SCHIP1: variants seen among roughly 807,000 people sequenced by gnomAD.
SCHIP1 encodes schwannomin-interacting protein 1.
SCHIP1 carries 8 observed loss-of-function variants against 29.7 expected under a neutral mutation model. That is an observed-to-expected ratio of 0.27 (90% CI 0.16 to 0.49). The LOEUF (loss-of-function observed/expected upper bound fraction) is 0.49. SCHIP1 is among the 20% of genes least tolerant of loss of function. The pLI is 0.99. For synonymous variants in SCHIP1, 76 were observed against 94.9 expected (o/e 0.80, Z 1.16); for missense variants, 193 against 294.6 (o/e 0.66, Z 2.52).
At chr3:159,896,608 C>A in intron 6 of SCHIP1, 115 bp from the exon 8 acceptor site, 1 of 995,748 alleles carries the variant, frequency 1.0e-6, no homozygotes, top group Non-Finnish European at 1.4e-6. Context: ...TGATTCTAAT[C>A]TATTTCACTG....
the SCHIP1 span, among the ~76,000 whole-genome samples, chr3:159,587,616 C>T: frequency 3.3e-5 from 5 of 152,092 alleles, no homozygotes; most frequent in African/African-American, 9.7e-5. Context: ...CTATCCCTCC[C>T]CCCTTTCCCC....
At chr3:159,446,509 GTATTGTTGCATTACAGCAATACAA>G in the SCHIP1 span, among the ~76,000 whole-genome samples, 64 of 149,382 alleles carry the variant, frequency 4.3e-4, no homozygotes, top group South Asian at 1.5e-3. Flanking sequence ...CAGCAATACA[GTATTGTTGCATTACAGCAATACAA>G]TATTGTTGCA....
the SCHIP1 span, among the ~76,000 whole-genome samples, chr3:159,554,310 A>G: frequency 1.3e-5 from 2 of 152,114 alleles, no homozygotes; most frequent in Admixed American, 6.5e-5. Context: ...TCTCCCTAAT[A>G]TATGTATGCA....
At chr3:159,826,728 C>A in the SCHIP1 span, among the ~76,000 whole-genome samples, 1 of 152,200 alleles carries the variant, frequency 6.6e-6, no homozygotes, top group Non-Finnish European at 1.5e-5. Context: ...CTGCTCATTT[C>A]TATCTTGACC....
At chr3:159,301,282 A>C in the SCHIP1 span, among the ~76,000 whole-genome samples, 1 of 152,190 alleles carries the variant, frequency 6.6e-6, no homozygotes, top group Non-Finnish European at 1.5e-5. Context: ...GCCATAGTTC[A>C]AACCTGGTTA....
chr3:159,348,988 G>C, the SCHIP1 span, among the ~76,000 whole-genome samples: 1 of 152,122 alleles, frequency 6.6e-6, no homozygotes, highest in Non-Finnish European at 1.5e-5. Flanking sequence ...AAGTAGTCTG[G>C]CTGAGTTTTC....
the SCHIP1 span, among the ~76,000 whole-genome samples, chr3:159,576,364 C>A: frequency 6.6e-6 from 1 of 152,112 alleles, no homozygotes; most frequent in Non-Finnish European, 1.5e-5. Context: ...GAGAATTCTG[C>A]TATCAATCTA....
chr3:159,500,195 T>C, the SCHIP1 span, among the ~76,000 whole-genome samples: 3 of 152,218 alleles, frequency 2.0e-5, no homozygotes, highest in South Asian at 6.2e-4. Context: ...ACAATGCGTA[T>C]ACACGAAATG....
the SCHIP1 span, among the ~76,000 whole-genome samples, chr3:159,739,273 G>A: frequency 6.6e-6 from 1 of 152,194 alleles, no homozygotes; most frequent in Non-Finnish European, 1.5e-5. Flanking sequence ...TAAGTACAGT[G>A]GGAAGCTATT....
chr3:159,336,269 A>G, the SCHIP1 span, among the ~76,000 whole-genome samples: 1 of 152,134 alleles, frequency 6.6e-6, no homozygotes, highest in African/African-American at 2.4e-5. Flanking sequence ...AGTAGATTGC[A>G]AAAATTTTCT....
chr3:159,575,859 AT>A, the SCHIP1 span, among the ~76,000 whole-genome samples: 2 of 151,732 alleles, frequency 1.3e-5, no homozygotes, highest in African/African-American at 4.8e-5. Context: ...TTTTTCCACT[AT>A]TTTTCCCCAC....
chr3:159,870,526 T>G (rs1051609466), intron 2 of SCHIP1, among the ~76,000 whole-genome samples: 1 of 152,026 alleles, frequency 6.6e-6, no homozygotes, highest in Admixed American at 6.6e-5. Flanking sequence ...ATTAATGAAT[T>G]ACATTTATAG....
chr3:159,352,284 A>T, the SCHIP1 span, among the ~76,000 whole-genome samples: 6 of 152,146 alleles, frequency 3.9e-5, no homozygotes, highest in East Asian at 1.2e-3. Flanking sequence ...TAAATATACC[A>T]AGTGTTCTCT....
At chr3:159,845,940 C>T (rs762397646) in intron 1 of SCHIP1, 5 of 152,202 alleles carry the variant, frequency 3.3e-5, no homozygotes, top group Admixed American at 6.5e-5. Flanking sequence ...GCCAGTTGCC[C>T]GCACTTTAAA....
At chr3:159,374,304 G>A in the SCHIP1 span, among the ~76,000 whole-genome samples, 1 of 152,112 alleles carries the variant, frequency 6.6e-6, no homozygotes, top group African/African-American at 2.4e-5. Flanking sequence ...GGAGCAAACA[G>A]GGATAAGCAG....
chr3:159,586,144 G>A, the SCHIP1 span, among the ~76,000 whole-genome samples: 3 of 151,978 alleles, frequency 2.0e-5, no homozygotes, highest in East Asian at 1.9e-4. Flanking sequence ...AAAAAAAAAT[G>A]TGTAAGGGAT....
chr3:159,397,462 T>G, the SCHIP1 span, among the ~76,000 whole-genome samples: 2 of 152,234 alleles, frequency 1.3e-5, no homozygotes, highest in Non-Finnish European at 2.9e-5. Flanking sequence ...TTATCTACTT[T>G]TGGTCTTTGA....
At chr3:159,890,104 A>AG (rs1717353523) in intron 5 of SCHIP1, among the ~76,000 whole-genome samples, 1 of 152,042 alleles carries the variant, frequency 6.6e-6, no homozygotes, top group African/African-American at 2.4e-5. Context: ...CAAAAAAAAA[A>AG]AAAGAAAGAA....
At chr3:159,555,830 G>C in the SCHIP1 span, among the ~76,000 whole-genome samples, 1 of 152,052 alleles carries the variant, frequency 6.6e-6, no homozygotes. Flanking sequence ...CAAAATTTAG[G>C]ACATGTGTTA....
Sources: allele counts gnomAD v4.1 joint callset (sites outside exome capture counted in the v4.1 genomes callset), GRCh38; gene constraint gnomAD v4.1.1; transcripts MANE v1.5; gene names NCBI Gene and HGNC (gene_info 2026-07-23, HGNC 2026-07-21).